FSIP1: variants seen among roughly 807,000 people sequenced by gnomAD.
The protein encoded by FSIP1 is fibrous sheath interacting protein 1, also known as fibrous sheath-interacting protein 1.
FSIP1 carries 65 observed loss-of-function variants against 60.9 expected under a neutral mutation model. The observed-to-expected ratio is 1.07, with a 90% CI of 0.87 to 1.31. The LOEUF is 1.31. Among genes scored for constraint, FSIP1 ranks in the 40% most tolerant of loss-of-function variants. The pLI is 0.00. For synonymous variants in FSIP1, 209 were observed against 221.2 expected (o/e 0.94, Z 0.49); for missense variants, 675 against 665.5 (o/e 1.01, Z -0.16).
At chr15:39,719,704 C>T (rs915105990) in intron 9 of FSIP1, among the ~76,000 whole-genome samples, 4 of 152,106 alleles carry the variant, frequency 2.6e-5, no homozygotes, top group African/African-American at 9.7e-5. Context: ...TTAGATGGAT[C>T]GTGTGTCTGG....
chr15:39,607,330 C>T (rs1890862814), intron 11 of FSIP1, among the ~76,000 whole-genome samples: 1 of 152,250 alleles, frequency 6.6e-6, no homozygotes, highest in Non-Finnish European at 1.5e-5. Flanking sequence ...GGAAGCCTGT[C>T]TGGCTGCCCA....
At chr15:39,631,428 A>G (rs1416338209) in intron 10 of FSIP1, among the ~76,000 whole-genome samples, 1 of 152,230 alleles carries the variant, frequency 6.6e-6, no homozygotes, top group African/African-American at 2.4e-5. Context: ...CAATGTGAGA[A>G]ACCTCAGATC....
downstream of FSIP1, chr15:39,599,139 C>T (rs1188035821): frequency 1.3e-5 from 2 of 152,112 alleles, no homozygotes; most frequent in Non-Finnish European, 2.9e-5. Flanking sequence ...TCCGGACAAA[C>T]ACTAAGCCCT....
At chr15:39,607,400 A>C (rs1173515699) in intron 11 of FSIP1, among the ~76,000 whole-genome samples, 1 of 152,260 alleles carries the variant, frequency 6.6e-6, no homozygotes, top group African/African-American at 2.4e-5. Context: ...CTTGATCTCC[A>C]TTTGTCAGAA....
At chr15:39,658,364 C>T (rs898520315) in intron 10 of FSIP1, among the ~76,000 whole-genome samples, 3 of 151,594 alleles carry the variant, frequency 2.0e-5, no homozygotes, top group Admixed American at 6.6e-5. Context: ...ATTCTTCTGC[C>T]TCAGCCTCCT....
intron 6 of FSIP1, among the ~76,000 whole-genome samples, chr15:39,741,563 C>T (rs970403314): frequency 1.3e-5 from 2 of 152,230 alleles, no homozygotes; most frequent in African/African-American, 4.8e-5. Context: ...TCATTACTTG[C>T]AGCCAGCTTT....
intron 11 of FSIP1, among the ~76,000 whole-genome samples, chr15:39,609,549 A>C (rs1296293978): frequency 6.6e-6 from 1 of 152,126 alleles, no homozygotes; most frequent in Non-Finnish European, 1.5e-5. Context: ...CTGCATGGTG[A>C]CCCCACAAAG....
intron 11 of FSIP1, among the ~76,000 whole-genome samples, chr15:39,603,339 C>A (rs1413174309): frequency 6.6e-6 from 1 of 152,164 alleles, no homozygotes; most frequent in African/African-American, 2.4e-5. Context: ...GCTGCCAGAA[C>A]CCACCCCTAG....
chr15:39,627,938 C>T (rs1022897013), intron 10 of FSIP1, among the ~76,000 whole-genome samples: 1 of 152,242 alleles, frequency 6.6e-6, no homozygotes, highest in Non-Finnish European at 1.5e-5. Flanking sequence ...CAACTCGAAC[C>T]AAACCAAACA....
At position 39,782,795 on chromosome 15, in the gene FSIP1, C is replaced by G. The variant is rs1000288970; in HGVS notation, c.-175G>C. The G allele has an allele frequency of 6.6e-6, 1 of 152,600 alleles. No individual in the cohort carries two copies. The highest frequency in any genetic ancestry group is 2.4e-5 in the African/African-American group (1 of 41,472). The allele number at this position is 152,600 out of a possible 1,614,324, so 9.5% of individuals were successfully genotyped here. A position where few individuals can be genotyped will look rare whatever the true frequency, so the allele number is the denominator to read the frequency against. On this transcript the variant is annotated 5_prime_UTR_variant, in exon 1 of 12. Coordinates refer to ENST00000350221, the MANE Select transcript of FSIP1 (RefSeq NM_152597.5). ...GTGGAAGAAGCCGCCGGTCCAGATCCCTCCTGCCTGTGGGACCGCTGTTTC... is the reference window on the plus strand; with the variant it reads ...GTGGAAGAAGCCGCCGGTCCAGATCGCTCCTGCCTGTGGGACCGCTGTTTC...
chr15:39,620,182 G>T lies in FSIP1; in HGVS notation c.1189-1937C>A, dbSNP rs138544232. Among the ~76,000 whole-genome samples the T allele has an allele frequency of 5.4e-3, 822 of 152,238 alleles. 9 individuals carry two copies. Among genetic ancestry groups the T allele is most frequent in the African/African-American group, 0.019 (790 of 41,558 alleles). ...AACAAAAAGTTACATGAGAAAGGAT[G>T]CCATAGGCTAATAATTGCTTCTGCT... On this transcript the variant is annotated intron_variant, in intron 10 of 11. Coordinates refer to ENST00000350221, the MANE Select transcript of FSIP1 (RefSeq NM_152597.5).
rs1896445467 is a variant in FSIP1 at position 39,732,547 on chromosome 15, A to G, written c.891+5544T>C. 4.9e-5 allele frequency among the ~76,000 whole-genome samples: 7 copies of G among 142,460 alleles called. No individual in the cohort carries two copies. In the South Asian group the frequency reaches 1.7e-3, roughly 34 times the overall value. 93.5% of individuals were successfully genotyped at this position (142,460 alleles called of 152,430 possible). A position where few individuals can be genotyped will look rare whatever the true frequency, so the allele number is the denominator to read the frequency against. ...GGCAGGAGAATCACTTGAGCCCGGG[A>G]GGCAGGGCTTGCAGTGAGCCAAGAT... On this transcript the variant is annotated intron_variant, in intron 8 of 11. Transcript: ENST00000350221.
At chr15:39,766,072 A>G (rs1897676458) in intron 3 of FSIP1, among the ~76,000 whole-genome samples, 2 of 152,212 alleles carry the variant, frequency 1.3e-5, no homozygotes, top group South Asian at 4.1e-4. Flanking sequence ...TCATTCTGTT[A>G]TACTTTCTAT....
At chr15:39,683,044 A>G (rs1208287222) in intron 10 of FSIP1, among the ~76,000 whole-genome samples, 1 of 152,196 alleles carries the variant, frequency 6.6e-6, no homozygotes, top group African/African-American at 2.4e-5. Flanking sequence ...GAAACAAAAT[A>G]CACTGGCAGT....
chr15:39,680,779 C>T (rs1595607299), intron 10 of FSIP1, among the ~76,000 whole-genome samples: 1 of 152,152 alleles, frequency 6.6e-6, no homozygotes, highest in African/African-American at 2.4e-5. Context: ...AATACAATAG[C>T]TAACATTTAT....
chr15:39,706,324 A>G (rs1012862008), intron 10 of FSIP1, among the ~76,000 whole-genome samples: 8 of 152,232 alleles, frequency 5.3e-5, no homozygotes, highest in African/African-American at 1.9e-4. Context: ...ATAATGTCCA[A>G]ATATCGCTGT....
At chr15:39,709,858 G>A (rs549784536) in intron 10 of FSIP1, among the ~76,000 whole-genome samples, 34 of 152,290 alleles carry the variant, frequency 2.2e-4, no homozygotes, top group South Asian at 6.2e-4. Flanking sequence ...GGGAGTAGCT[G>A]TAAATACAAA....
chr15:39,637,961 C>T (rs1892204477), intron 10 of FSIP1, among the ~76,000 whole-genome samples: 1 of 152,088 alleles, frequency 6.6e-6, no homozygotes, highest in Admixed American at 6.5e-5. Context: ...AGGTGTTTTG[C>T]ATCTATGGCA....
intron 10 of FSIP1, among the ~76,000 whole-genome samples, chr15:39,656,490 T>C (rs994332969): frequency 1.3e-5 from 2 of 152,088 alleles, no homozygotes; most frequent in Non-Finnish European, 2.9e-5. Context: ...TGTCTGAGAG[T>C]GTGGCACTTC....
Sources: gnomAD v4.1 joint callset for allele counts (sites outside exome capture counted in the v4.1 genomes callset) on GRCh38, gnomAD v4.1.1 for gene constraint, MANE v1.5 for transcripts, NCBI Gene and HGNC (gene_info 2026-07-23, HGNC 2026-07-21) for gene names.